Variants in COL4A3 observed in about 807,000 individuals in gnomAD.
The protein encoded by COL4A3 is collagen alpha-3(IV) chain.
Under a neutral mutation model 217.4 loss-of-function variants are expected in COL4A3, and 135 were observed. The ratio of observed to expected loss-of-function variants is 0.62; its 90% confidence interval spans 0.54 to 0.72. The LOEUF is 0.72. Ranked by LOEUF, COL4A3 falls within the 30% of genes least tolerant of loss-of-function variation. The pLI, the probability that COL4A3 is intolerant of heterozygous loss-of-function variation, is 0.00. For synonymous variants in COL4A3, 690 were observed against 736.3 expected, an observed-to-expected ratio of 0.94 and a Z score of 1.02; for missense variants, 1,868 against 2,119.9, an observed-to-expected ratio of 0.88 and a Z score of 2.33.
intron 34 of COL4A3, among the ~76,000 whole-genome samples, chr2:227,287,786 A>T (rs2072427893): frequency 6.6e-6 from 1 of 152,190 alleles, no homozygotes; most frequent in South Asian, 2.1e-4. Context: ...TATTGTGCCC[A>T]ACTCTAGTAT....
rs776291901 is a variant in COL4A3, at chr2:227,298,766, A to C, written c.3836A>C (p.Lys1279Thr). The C allele has an allele frequency of 2.5e-6, 4 of 1,613,960 alleles. No homozygotes were observed. The South Asian group carries it at 4.4e-5, about 18-fold the overall frequency. Residue 1279 changes from lysine to threonine, a missense_variant, in exon 43 of 52, where the codon AAA becomes ACA. Coordinates refer to ENST00000396578, the MANE Select transcript of COL4A3 (RefSeq NM_000091.5). Reference protein sequence around the residue: ...DKGSMGHPGPKGPPGTAGDMG... With the variant: ...DKGSMGHPGPTGPPGTAGDMG... ...GGGTCTATGGGCCACCCTGGCCCAA[A>C]AGGTCCACCTGGAACTGCAGGAGAC...
intron 1 of COL4A3, among the ~76,000 whole-genome samples, chr2:227,217,512 C>A (rs200268851): frequency 2.0e-5 from 3 of 152,072 alleles, no homozygotes; most frequent in Non-Finnish European, 4.4e-5. Context: ...CTGTTTGTAC[C>A]AATAGCCACA....
chr2:227,222,127 A>G (rs2067823665), intron 1 of COL4A3, among the ~76,000 whole-genome samples: 1 of 56,748 alleles, frequency 1.8e-5, no homozygotes, highest in South Asian at 9.9e-4. Context: ...TGTCTCTAAT[A>G]ATAATAATAA....
rs533376987 is a variant in COL4A3 at position 227,302,766 on chromosome 2, A to G, written c.3883-272A>G. Among the ~76,000 whole-genome samples the G allele has an allele frequency of 5.3e-5, 8 of 151,292 alleles. No homozygotes were observed. The East Asian group carries it at 1.6e-3, about 29-fold the overall frequency. The stretch of plus-strand genomic sequence containing the variant: ...CACAGAATATCCAGTTGAATCCAAT[A>G]CTAAAACAACATACACCAACATTAG... On this transcript the variant is annotated intron_variant, in intron 43 of 51. Coordinates refer to ENST00000396578, the MANE Select transcript of COL4A3 (RefSeq NM_000091.5).
At chr2:227,240,974 T>C (rs1320477337) in intron 3 of COL4A3, among the ~76,000 whole-genome samples, 1 of 152,104 alleles carries the variant, frequency 6.6e-6, no homozygotes, top group Non-Finnish European at 1.5e-5. Context: ...TGGATCGCTC[T>C]CCTCTCCTTG....
intron 25 of COL4A3, among the ~76,000 whole-genome samples, chr2:227,271,235 T>C (rs146067897): frequency 3.2e-4 from 49 of 152,292 alleles, no homozygotes; most frequent in African/African-American, 1.2e-3. Flanking sequence ...CAAATGAGTC[T>C]ATGGAAAAGT....
At chr2:227,289,656 C>T (rs2072557174) in intron 35 of COL4A3, among the ~76,000 whole-genome samples, 1 of 152,168 alleles carries the variant, frequency 6.6e-6, no homozygotes, top group Non-Finnish European at 1.5e-5. Flanking sequence ...ACAACCATCT[C>T]AGTAACAAAA....
intron 1 of COL4A3, among the ~76,000 whole-genome samples, chr2:227,170,978 G>T (rs1207700453): frequency 1.3e-5 from 2 of 152,142 alleles, no homozygotes; most frequent in Non-Finnish European, 2.9e-5. Flanking sequence ...TCCTTGTATT[G>T]CTGTGGGATA....
At chr2:227,227,319 G>A (rs35212277) in intron 1 of COL4A3, among the ~76,000 whole-genome samples, 66,200 of 151,800 alleles carry the variant, frequency 0.44, 14,597 homozygotes, top group African/African-American at 0.48. Context: ...AATACAGGCC[G>A]GGCACGCTGG....
At chr2:227,223,015 A>G (rs750339911) in intron 1 of COL4A3, among the ~76,000 whole-genome samples, 13 of 152,252 alleles carry the variant, frequency 8.5e-5, no homozygotes, top group Non-Finnish European at 1.9e-4. Context: ...CAACTATCCT[A>G]TATTTTTACA....
chr2:227,263,932 C>T lies in COL4A3; in HGVS notation c.1303C>T (p.Pro435Ser). 1 of 1,614,050 alleles carries T rather than the reference C, an allele frequency of 6.2e-7. No homozygotes were observed. Among genetic ancestry groups the T allele is most frequent in the Non-Finnish European group, 8.5e-7 (1 of 1,179,944 alleles). Residue 435 changes from proline (P) to serine (S), a missense_variant, in exon 21 of 52, where the codon CCA becomes TCA. Pro to Ser is a moderately conservative substitution (Grantham distance 74). Transcript: ENST00000396578. Reference protein sequence around the residue: ...SPGLPGSPGPPGPPGDIVFRK... With the variant: ...SPGLPGSPGPSGPPGDIVFRK... ...AGGTCTTCCAGGATCACCGGGACCT[C>T]CAGGACCGCCAGGTAAAGATGTGGA...
At position 227,308,918 on chromosome 2, in the gene COL4A3, G is replaced by A. The variant is rs181952966; in HGVS notation, c.4482G>A (p.Leu1494=). The A allele has an allele frequency of 1.8e-4, 290 of 1,614,076 alleles. No homozygotes were observed. In the South Asian group the frequency reaches 2.0e-3, roughly 11 times the overall value. ...CATTAGGAACTCTTGGCAGCTGCCT[G>A]CAGCGATTTACCACAATGCCATTCT... ...GQDLGTLGSC[L]QRFTTMPFLF... The change falls in exon 49 of 52, where the codon CTG becomes CTA. Residue 1494 remains leucine, a synonymous_variant. Coordinates refer to ENST00000396578, the MANE Select transcript of COL4A3 (RefSeq NM_000091.5).
At chr2:227,276,853 A>G (rs890220375) in intron 27 of COL4A3, among the ~76,000 whole-genome samples, 1 of 152,262 alleles carries the variant, frequency 6.6e-6, no homozygotes. Context: ...GTCTTTGCCA[A>G]CGTGATCTAA....
chr2:227,289,269 G>A (rs1350210511), intron 35 of COL4A3, 21 bp downstream of exon 35: 7 of 1,588,562 alleles, frequency 4.4e-6, no homozygotes, highest in South Asian at 3.3e-5. Flanking sequence ...TTCTCAAATA[G>A]AAAAATATCA....
chr2:227,295,479 A>G (rs1419105465), intron 41 of COL4A3, among the ~76,000 whole-genome samples, 163 bp downstream of exon 41: 1 of 152,244 alleles, frequency 6.6e-6, no homozygotes, highest in Admixed American at 6.5e-5. Context: ...ATGTTTAATT[A>G]TTACCATCAC....
Position 227,284,355 on chromosome 2 carries a change from T to G in COL4A3, c.2881+10T>G. On this transcript the variant is annotated intron_variant, in intron 34 of 51. Coordinates refer to ENST00000396578, the MANE Select transcript of COL4A3 (RefSeq NM_000091.5). ...GAACCAGGTCTCAAAGGTAAAGAAT[T>G]GCTTGTTTGGAATCAGGACATCAGA... 2 of 1,612,192 alleles carry G rather than the reference T, an allele frequency of 1.2e-6. No individual in the cohort carries two copies. The highest frequency in any genetic ancestry group is 1.7e-6 in the Non-Finnish European group (2 of 1,179,214).
chr2:227,248,575 TC>T, intron 9 of COL4A3, 55 bp downstream of exon 9: 7 of 1,141,564 alleles, frequency 6.1e-6, no homozygotes, highest in Non-Finnish European at 6.7e-6. Flanking sequence ...TCTCTCTCTC[TC>T]TTTTCGCCTC....
Position 227,295,313 on chromosome 2 carries a change from CAAGGT to C in COL4A3, c.3565+1_3565+5del. 1 of 1,613,908 alleles carries C rather than the reference CAAGGT, an allele frequency of 6.2e-7. No homozygotes were observed. The highest frequency in any genetic ancestry group is 2.2e-5 in the East Asian group (1 of 44,870). The stretch of plus-strand genomic sequence containing the variant: ...AGGCCCAAGAGGGAACCCTGGTGCT[CAAGGT>C]AAGCAGTTCTTCTTCCCTGTCCTAA... On this transcript the variant is annotated splice_donor_variant and coding_sequence_variant, in exon 41 of 52. Transcript: ENST00000396578. LOFTEE classifies it high-confidence loss of function.
chr2:227,199,861 G>A lies in COL4A3; in HGVS notation c.87+35048G>A, dbSNP rs780004887. 1.2e-4 allele frequency among the ~76,000 whole-genome samples: 18 copies of A among 152,304 alleles called. No individual in the cohort carries two copies. The East Asian group carries it at 1.7e-3, about 15-fold the overall frequency. ...AAACAAACAAACAAAAAACTAGTCCGAAGGATGGATCGTGCCTCCCAATGT... is the reference window on the plus strand; with the variant it reads ...AAACAAACAAACAAAAAACTAGTCCAAAGGATGGATCGTGCCTCCCAATGT... On this transcript the variant is annotated intron_variant, in intron 1 of 51. Coordinates refer to ENST00000396578, the MANE Select transcript of COL4A3 (RefSeq NM_000091.5).
Sources: allele counts gnomAD v4.1 joint callset (sites outside exome capture counted in the v4.1 genomes callset), GRCh38; gene constraint gnomAD v4.1.1; transcripts MANE v1.5; gene names NCBI Gene and HGNC (gene_info 2026-07-23, HGNC 2026-07-21).